Variants in PDE4D observed in about 807,000 individuals in gnomAD.
The protein encoded by PDE4D is 3',5'-cyclic-AMP phosphodiesterase 4D.
In PDE4D, 24 loss-of-function variants were observed where a neutral mutation model predicts 87.4. That is an observed-to-expected ratio of 0.27 (90% confidence interval 0.20 to 0.39). PDE4D has a LOEUF of 0.39. Ranked by LOEUF, PDE4D falls within the 10% of genes least tolerant of loss-of-function variation. The pLI, the probability that PDE4D is intolerant of heterozygous loss-of-function variation, is 1.00. For missense variants in PDE4D, 714 were observed against 1,041.0 expected, an observed-to-expected ratio of 0.69 and a Z score of 4.32; for synonymous variants, 384 against 383.2, an observed-to-expected ratio of 1.00 and a Z score of -0.02.
In PDE4D at chr5:58,972,842, T is replaced by C. The variant is rs1446162639; in HGVS notation, c.*1822A>G. The C allele has an allele frequency of 2.0e-5, 3 of 151,986 alleles. No individual in the cohort carries two copies. Among genetic ancestry groups the C allele is most frequent in the African/African-American group, 7.3e-5 (3 of 41,364 alleles). 9.4% of individuals were successfully genotyped at this position (151,986 alleles called of 1,614,324 possible). ...TCCTGGTGCTGAAATCAGCCAAGAG[T>C]GATCTCTAATTTTTTATTTAACCAG... On this transcript the variant is annotated 3_prime_UTR_variant, in exon 15 of 15. Coordinates refer to ENST00000340635, the MANE Select transcript of PDE4D (RefSeq NM_001104631.2).
chr5:59,213,700 G>A (rs1291952476), intron 2 of PDE4D, among the ~76,000 whole-genome samples: 1 of 151,938 alleles, frequency 6.6e-6, no homozygotes, highest in African/African-American at 2.4e-5. Context: ...TAACCCAGGG[G>A]CTCCTAATGC....
intron 5 of PDE4D, chr5:59,039,262 G>A (rs985901192): frequency 1.7e-6 from 2 of 1,197,884 alleles, no homozygotes; most frequent in Non-Finnish European, 2.1e-6. Flanking sequence ...CGACGCGAGC[G>A]GAAAAACCAC....
chr5:59,847,918 A>G lies in PDE4D; in HGVS notation c.455+45250T>C, dbSNP rs896891801. On this transcript the variant is annotated intron_variant, in intron 1 of 14. Transcript: ENST00000340635. ...CTGTGAATATCATAAATACAAAAATATATCTGCTATGCGGGGCAGGAAGGT... is the reference window on the plus strand; with the variant it reads ...CTGTGAATATCATAAATACAAAAATGTATCTGCTATGCGGGGCAGGAAGGT... Among the ~76,000 whole-genome samples, 11 of 152,210 alleles carry G rather than the reference A, an allele frequency of 7.2e-5. No individual in the cohort carries two copies. In the East Asian group the frequency reaches 1.9e-3, roughly 27 times the overall value.
At chr5:60,191,639 A>G (rs192997576) in intron 1 of PDE4D, among the ~76,000 whole-genome samples, 1 of 152,310 alleles carries the variant, frequency 6.6e-6, no homozygotes, top group East Asian at 1.9e-4. Context: ...AAACAAACTA[A>G]TAATACAGGG....
intron 1 of PDE4D, among the ~76,000 whole-genome samples, chr5:59,684,005 G>A (rs553398860): frequency 2.6e-5 from 4 of 152,146 alleles, no homozygotes; most frequent in East Asian, 3.9e-4. Flanking sequence ...CTCTTTGACC[G>A]TAATCCCATA....
At chr5:59,239,624 A>AT (rs1388239321) in intron 1 of PDE4D, among the ~76,000 whole-genome samples, 3 of 152,166 alleles carry the variant, frequency 2.0e-5, no homozygotes, top group African/African-American at 2.4e-5. Context: ...TGAAATTTGT[A>AT]TTTTTATCCA....
intron 1 of PDE4D, among the ~76,000 whole-genome samples, chr5:59,885,689 G>A (rs1452367542): frequency 1.3e-5 from 2 of 151,724 alleles, no homozygotes; most frequent in African/African-American, 2.4e-5. Flanking sequence ...TTACAAAGGG[G>A]GCTTTATCCC....
intron 1 of PDE4D, among the ~76,000 whole-genome samples, chr5:59,220,476 G>C (rs899095892): frequency 6.7e-5 from 10 of 149,770 alleles, no homozygotes; most frequent in Non-Finnish European, 1.2e-4. Context: ...CCCCCAAAAA[G>C]GCTTGTTCAT....
At chr5:59,495,098 T>C (rs951281081) in intron 1 of PDE4D, among the ~76,000 whole-genome samples, 69 of 152,192 alleles carry the variant, frequency 4.5e-4, no homozygotes, top group African/African-American at 1.5e-3. Flanking sequence ...TTGAGTCTTG[T>C]CCTGCCTTTA....
intron 2 of PDE4D, among the ~76,000 whole-genome samples, chr5:60,107,553 C>CA (rs1054644944): frequency 6.6e-6 from 1 of 151,812 alleles, no homozygotes; most frequent in Non-Finnish European, 1.5e-5. Context: ...GAGACACAAC[C>CA]AAAAAAGAGA....
intron 1 of PDE4D, among the ~76,000 whole-genome samples, chr5:59,269,647 G>T (rs1356823999): frequency 6.6e-6 from 1 of 152,002 alleles, no homozygotes; most frequent in Non-Finnish European, 1.5e-5. Context: ...GTCTTTAGAG[G>T]TATTTTAAGG....
chr5:59,518,332 C>G (rs555498984), intron 1 of PDE4D, among the ~76,000 whole-genome samples: 1 of 151,794 alleles, frequency 6.6e-6, no homozygotes, highest in Non-Finnish European at 1.5e-5. Flanking sequence ...AAAGCACGCT[C>G]GAGTATTTTT....
At chr5:59,224,899 T>C (rs750142648) in intron 1 of PDE4D, among the ~76,000 whole-genome samples, 5 of 152,174 alleles carry the variant, frequency 3.3e-5, no homozygotes, top group Non-Finnish European at 7.3e-5. Flanking sequence ...GCATCCAGAA[T>C]TGTGAGAACA....
At chr5:60,474,151 A>ATAT (rs1748124819) in intron 1 of PDE4D, among the ~76,000 whole-genome samples, 2 of 32,668 alleles carry the variant, frequency 6.1e-5, no homozygotes, top group African/African-American at 3.3e-4. Flanking sequence ...TATATATATA[A>ATAT]CAAAAACCTT....
At chr5:59,264,060 C>A (rs1762455870) in intron 1 of PDE4D, among the ~76,000 whole-genome samples, 1 of 151,922 alleles carries the variant, frequency 6.6e-6, no homozygotes, top group African/African-American at 2.4e-5. Flanking sequence ...ATGCATAAAA[C>A]CTGTTTCTGC....
At chr5:59,012,732 T>C (rs1050502016) in intron 6 of PDE4D, among the ~76,000 whole-genome samples, 6 of 152,154 alleles carry the variant, frequency 3.9e-5, no homozygotes, top group Admixed American at 2.0e-4. Flanking sequence ...CTGTCAACAT[T>C]AGACAGATCA....
intron 1 of PDE4D, among the ~76,000 whole-genome samples, chr5:60,208,832 G>A (rs1197943832): frequency 6.8e-6 from 1 of 147,842 alleles, no homozygotes; most frequent in South Asian, 2.2e-4. Context: ...TAGACCTGAC[G>A]GGACACTATC....
In PDE4D at chr5:60,358,850, G is replaced by C. The variant is rs771111063; in HGVS notation, c.-90+129092C>G. ...AATCACTAGCAAACAAGATATGTGT[G>C]CTGGTATTATATGTGATATTTAGGA... is the stretch of plus-strand genomic sequence containing the variant. On this transcript the variant is annotated intron_variant, in intron 1 of 16. Transcript: ENST00000502484. 8.8e-4 allele frequency among the ~76,000 whole-genome samples: 134 copies of C among 152,308 alleles called. 1 individual carries two copies. The highest frequency in any genetic ancestry group is 3.4e-3 in the Middle Eastern group (1 of 294).
chr5:60,048,399 C>T (rs966053852), intron 2 of PDE4D, among the ~76,000 whole-genome samples: 9 of 151,742 alleles, frequency 5.9e-5, no homozygotes, highest in African/African-American at 1.9e-4. Context: ...TGAATTTGGT[C>T]CTGTCATTAC....
Sources: allele counts gnomAD v4.1 joint callset (sites outside exome capture counted in the v4.1 genomes callset), GRCh38; gene constraint gnomAD v4.1.1; transcripts MANE v1.5; gene names NCBI Gene and HGNC (gene_info 2026-07-23, HGNC 2026-07-21).